The following ADAM9 variants were observed in gnomAD, a reference collection of about 807,000 sequenced individuals.
The protein encoded by ADAM9 is disintegrin and metalloproteinase domain-containing protein 9.
Under a neutral mutation model 108.1 loss-of-function variants are expected in ADAM9, and 54 were observed. That is an observed-to-expected ratio of 0.50 (90% CI 0.40 to 0.63). The LOEUF (loss-of-function observed/expected upper bound fraction) is 0.63. Ranked by LOEUF, ADAM9 falls within the 20% of genes least tolerant of loss-of-function variation. ADAM9 has a pLI of 0.00. For synonymous variants in ADAM9, 316 were observed against 336.0 expected (o/e 0.94, Z 0.65); for missense variants, 830 against 997.7 (o/e 0.83, Z 2.26).
At chr8:39,079,484 C>T (rs1251158212) in intron 16 of ADAM9, among the ~76,000 whole-genome samples, 1 of 152,022 alleles carries the variant, frequency 6.6e-6, no homozygotes, top group Non-Finnish European at 1.5e-5. Context: ...TTTCTATTAG[C>T]TTGCCATTTT....
chr8:39,084,080 C>T (rs1588423711), intron 18 of ADAM9, among the ~76,000 whole-genome samples: 1 of 152,098 alleles, frequency 6.6e-6, no homozygotes, highest in Non-Finnish European at 1.5e-5. Flanking sequence ...TCTCTAATTA[C>T]TAATGATGTT....
At chr8:39,022,719 AT>A (rs971270336) in intron 8 of ADAM9, among the ~76,000 whole-genome samples, 25 of 146,774 alleles carry the variant, frequency 1.7e-4, no homozygotes, top group Admixed American at 2.7e-4. Flanking sequence ...GTTTTATTGT[AT>A]TTTTTTTTTT....
In ADAM9 at chr8:39,104,513, G is replaced by A. The variant is rs1454361543; in HGVS notation, c.*813G>A. On this transcript the variant is annotated 3_prime_UTR_variant, in exon 22 of 22. Coordinates refer to ENST00000487273, the MANE Select transcript of ADAM9 (RefSeq NM_003816.3). The stretch of plus-strand genomic sequence containing the variant: ...GTATTTAATAGATCTAATCAAATAT[G>A]TTGATTCATGGCTATAATAAAGCAG... The A allele has an allele frequency of 1.4e-4, 54 of 381,458 alleles. No homozygotes were observed. Among genetic ancestry groups the A allele is most frequent in the Non-Finnish European group, 6.1e-5 (12 of 197,780 alleles). 23.6% of individuals were successfully genotyped at this position (381,458 alleles called of 1,614,324 possible).
chr8:39,101,778 A>T (rs1226947478), intron 20 of ADAM9, 85 bp from the exon 21 acceptor site: 1 of 1,091,012 alleles, frequency 9.2e-7, no homozygotes, highest in African/African-American at 1.6e-5. Flanking sequence ...CTGTTTATTG[A>T]TTTTAAATAT....
At chr8:39,014,163 T>C (rs1836450385) in intron 4 of ADAM9, 120 bp downstream of exon 4, 1 of 812,582 alleles carries the variant, frequency 1.2e-6, no homozygotes, top group Admixed American at 2.0e-5. Context: ...CCTTTAACAT[T>C]ATAACATATG....
chr8:39,057,367 T>C (rs1303607097), intron 14 of ADAM9, among the ~76,000 whole-genome samples: 1 of 148,526 alleles, frequency 6.7e-6, no homozygotes, highest in Non-Finnish European at 1.5e-5. Context: ...ACATATAATA[T>C]ATTAAATATA....
intron 15 of ADAM9, among the ~76,000 whole-genome samples, 156 bp downstream of exon 15, chr8:39,071,559 C>G (rs536421969): frequency 3.5e-4 from 53 of 151,510 alleles, no homozygotes; most frequent in Non-Finnish European, 5.3e-4. Context: ...CTCCGCCTCC[C>G]AGGTTCAAGT....
intron 20 of ADAM9, among the ~76,000 whole-genome samples, chr8:39,099,145 A>C (rs1839604382): frequency 6.6e-6 from 1 of 152,026 alleles, no homozygotes; most frequent in Non-Finnish European, 1.5e-5. Flanking sequence ...ACCCATGGGG[A>C]TACCACCCTT....
Position 39,104,715 on chromosome 8 carries a change from G to T in ADAM9, c.*1015G>T, listed in dbSNP as rs1255526529. 4.4e-6 allele frequency: 2 copies of T among 453,686 alleles called. No individual in the cohort carries two copies. The highest frequency in any genetic ancestry group is 8.8e-6 in the Non-Finnish European group (2 of 226,644). The allele number at this position is 453,686 out of a possible 1,614,324, so 28.1% of individuals were successfully genotyped here. On this transcript the variant is annotated 3_prime_UTR_variant, in exon 22 of 22. Transcript: ENST00000487273. ...ACACTAATATTTTCATAGAAATTAGGCTGGAGAAAGAAGGAAGAAATGGTT... is the reference window on the plus strand; with the variant it reads ...ACACTAATATTTTCATAGAAATTAGTCTGGAGAAAGAAGGAAGAAATGGTT...
intron 20 of ADAM9, among the ~76,000 whole-genome samples, chr8:39,099,100 G>A (rs979513227): frequency 2.6e-5 from 4 of 152,104 alleles, no homozygotes; most frequent in Non-Finnish European, 5.9e-5. Flanking sequence ...ATCACCACGG[G>A]CCTTCCTTGA....
Position 39,006,597 on chromosome 8 carries a change from A to G in ADAM9, c.98-1289A>G, listed in dbSNP as rs377426131. Among the ~76,000 whole-genome samples, 8 of 95,212 alleles carry G rather than the reference A, an allele frequency of 8.4e-5. 1 individual carries two copies. The South Asian group carries it at 9.5e-4, about 11-fold the overall frequency. 62.5% of individuals were successfully genotyped at this position (95,212 alleles called of 152,430 possible). A position where few individuals can be genotyped will look rare whatever the true frequency, so the allele number is the denominator to read the frequency against. On this transcript the variant is annotated intron_variant, in intron 1 of 21. Coordinates refer to ENST00000487273, the MANE Select transcript of ADAM9 (RefSeq NM_003816.3). ...GTTAGTAAGGGTTAAGCCATTGGTA[A>G]TAATGCTGGAAGAAAAAGAGGTTGT...
At chr8:39,008,012 G>A in intron 2 of ADAM9, 29 bp downstream of exon 2, 4 of 1,512,610 alleles carry the variant, frequency 2.6e-6, no homozygotes, top group Non-Finnish European at 2.7e-6. Flanking sequence ...GAAATAATAT[G>A]TGGTTAATTT....
chr8:39,057,493 TTG>T (rs58328034), intron 14 of ADAM9, among the ~76,000 whole-genome samples: 62,209 of 151,642 alleles, frequency 0.41, 13,521 homozygotes, highest in East Asian at 0.73. Flanking sequence ...ATGAATTGGC[TTG>T]TGTGATTGTG....
intron 2 of ADAM9, among the ~76,000 whole-genome samples, chr8:39,009,379 A>G (rs1340898693): frequency 1.3e-5 from 2 of 152,196 alleles, no homozygotes; most frequent in Non-Finnish European, 2.9e-5. Flanking sequence ...AGCTGGGACT[A>G]CAGGCATGTG....
At chr8:39,005,336 A>G (rs1836127211) in intron 1 of ADAM9, among the ~76,000 whole-genome samples, 1 of 152,240 alleles carries the variant, frequency 6.6e-6, no homozygotes, top group Non-Finnish European at 1.5e-5. Context: ...AGTAAGATTA[A>G]TAATTAATAA....
chr8:39,045,214 A>G (rs1390078450), intron 12 of ADAM9, among the ~76,000 whole-genome samples: 1 of 143,118 alleles, frequency 7.0e-6, no homozygotes, highest in Non-Finnish European at 1.5e-5. Flanking sequence ...ATATGTGTAT[A>G]CATACATATA....
chr8:39,054,251 CTAAG>C (rs1355255679), intron 12 of ADAM9, among the ~76,000 whole-genome samples: 2 of 152,160 alleles, frequency 1.3e-5, no homozygotes, highest in Non-Finnish European at 2.9e-5. Flanking sequence ...TCTGAGCAGA[CTAAG>C]TAAGGCACAT....
In ADAM9 at chr8:39,045,355, T is replaced by C. The variant is rs372637822; in HGVS notation, c.1302+3238T>C. On this transcript the variant is annotated intron_variant, in intron 12 of 21. Coordinates refer to ENST00000487273, the MANE Select transcript of ADAM9 (RefSeq NM_003816.3). ...GTGTACACCTATACATGTGTGTACA[T>C]ACATATAGGTGTGTGTACATACACC... Among the ~76,000 whole-genome samples the C allele has an allele frequency of 9.6e-4, 113 of 117,158 alleles. 18 individuals carry two copies. The highest frequency in any genetic ancestry group is 2.2e-3 in the African/African-American group (63 of 28,442). The allele number at this position is 117,158 out of a possible 152,430, so 76.9% of individuals were successfully genotyped here.
intron 8 of ADAM9, among the ~76,000 whole-genome samples, chr8:39,021,955 G>A (rs945804933): frequency 1.3e-5 from 2 of 152,132 alleles, no homozygotes; most frequent in Non-Finnish European, 2.9e-5. Flanking sequence ...CTTCAGAGTT[G>A]CTAGGCTTAG....
Sources: allele counts gnomAD v4.1 joint callset (sites outside exome capture counted in the v4.1 genomes callset), GRCh38; gene constraint gnomAD v4.1.1; transcripts MANE v1.5; gene names NCBI Gene and HGNC (gene_info 2026-07-23, HGNC 2026-07-21).